RASA1: variants seen among roughly 807,000 people sequenced by gnomAD.
The protein encoded by RASA1 is RAS p21 protein activator 1.
In RASA1, 25 loss-of-function variants were observed where a neutral mutation model predicts 132.2. The ratio of observed to expected loss-of-function variants is 0.19; its 90% CI spans 0.14 to 0.26. The LOEUF is 0.26. Among genes scored for constraint, RASA1 ranks in the 10% least tolerant of loss-of-function variants. The pLI, the probability that RASA1 is intolerant of heterozygous loss-of-function variation, is 1.00. For synonymous variants in RASA1, 477 were observed against 449.9 expected (o/e 1.06, Z -0.76); for missense variants, 964 against 1,299.2 (o/e 0.74, Z 3.97).
chr5:87,390,854 C>T lies in RASA1; in HGVS notation c.3115C>T (p.Gln1039Ter). The change falls in exon 25 of 25, where the codon CAG (glutamine) becomes TAG (stop). Residue 1039 changes from glutamine (Q) to a stop codon, truncating the protein, a stop_gained. Transcript: ENST00000274376. LOFTEE classifies it high-confidence loss of function. ...AGAACTGCTTCAACAAAAACAAAAC[C>T]AGTATACAAAAACCAATGATGTCAG... is the stretch of plus-strand genomic sequence containing the variant. ...ITELLQQKQN[Q>*]YTKTNDVR is the part of the protein sequence containing the mutation. 1 of 1,613,522 alleles carries T rather than the reference C, an allele frequency of 6.2e-7. No individual in the cohort carries two copies.
intron 8 of RASA1, among the ~76,000 whole-genome samples, chr5:87,351,243 ATC>A (rs1372964549): frequency 2.6e-5 from 4 of 151,686 alleles, no homozygotes; most frequent in African/African-American, 9.7e-5. Context: ...TTATCGACTT[ATC>A]TACTTTGTGA....
chr5:87,378,397 T>C lies in RASA1; in HGVS notation c.2346T>C (p.Asp782=), dbSNP rs1761467274. 6.2e-7 allele frequency: 1 copy of C among 1,612,992 alleles called. No homozygotes were observed. The highest frequency in any genetic ancestry group is 2.2e-5 in the East Asian group (1 of 44,810). Residue 782 remains aspartate (D), a splice_region_variant and synonymous_variant, in exon 18 of 25, where the codon GAT becomes GAC. Coordinates refer to ENST00000274376, the MANE Select transcript of RASA1 (RefSeq NM_002890.3). Reference sequence around the variant, plus strand: ...CTTCTAATGTAAATATTTGTGTAGATGAAGCCACTACCCTATTTCGAGCCA... The same window carrying C: ...CTTCTAATGTAAATATTTGTGTAGACGAAGCCACTACCCTATTTCGAGCCA... ...TLNDREISME[D]EATTLFRATT...
rs1753658696 is a variant in RASA1 at position 87,268,389 on chromosome 5, G to A, written c.-63G>A. The A allele has an allele frequency of 6.8e-7, 1 of 1,462,416 alleles. No homozygotes were observed. Among genetic ancestry groups the A allele is most frequent in the Non-Finnish European group, 9.0e-7 (1 of 1,105,662 alleles). The allele number at this position is 1,462,416 out of a possible 1,614,324, so 90.6% of individuals were successfully genotyped here. A position where few individuals can be genotyped will look rare whatever the true frequency, so the allele number is the denominator to read the frequency against. On this transcript the variant is annotated 5_prime_UTR_variant, in exon 1 of 25. Transcript: ENST00000274376. Reference sequence around the variant, plus strand: ...GTCTGGGTGGGGCTGCTCGGAGCCCGGGCCTGGTGGCCCCTGGGGCTCCCG... The same window carrying A: ...GTCTGGGTGGGGCTGCTCGGAGCCCAGGCCTGGTGGCCCCTGGGGCTCCCG...
chr5:87,293,506 C>T (rs150397527), intron 1 of RASA1, among the ~76,000 whole-genome samples: 206 of 152,090 alleles, frequency 1.4e-3, no homozygotes, highest in African/African-American at 4.4e-3. Flanking sequence ...TGAGGATGTT[C>T]GCATCTATGT....
intron 17 of RASA1, 129 bp downstream of exon 17, chr5:87,377,169 C>G: frequency 7.9e-7 from 1 of 1,272,846 alleles, no homozygotes; most frequent in Non-Finnish European, 1.1e-6. Context: ...TCTGTTTTCC[C>G]TCCTTAAAAA....
At chr5:87,270,125 C>T (rs1426244122) in intron 1 of RASA1, among the ~76,000 whole-genome samples, 3 of 151,210 alleles carry the variant, frequency 2.0e-5, no homozygotes, top group Non-Finnish European at 4.4e-5. Context: ...GCCTATAATC[C>T]TAGCTACTTG....
intron 23 of RASA1, 85 bp downstream of exon 23, chr5:87,386,988 A>G (rs960022137): frequency 4.8e-6 from 6 of 1,253,722 alleles, no homozygotes; most frequent in Non-Finnish European, 6.9e-6. Flanking sequence ...ATCTTTAGAA[A>G]GATTTTCTAT....
At chr5:87,319,918 C>T (rs374957168) in intron 1 of RASA1, among the ~76,000 whole-genome samples, 5 of 152,284 alleles carry the variant, frequency 3.3e-5, no homozygotes, top group South Asian at 2.1e-4. Context: ...AATTTCACAC[C>T]GTCTCTTCAT....
At chr5:87,316,611 A>T (rs1756360168) in intron 1 of RASA1, among the ~76,000 whole-genome samples, 1 of 152,182 alleles carries the variant, frequency 6.6e-6, no homozygotes, top group African/African-American at 2.4e-5. Context: ...AGGATTGAGA[A>T]CATGGAGAGT....
In RASA1 at chr5:87,357,814, AG is replaced by A. The variant is rs368040381; in HGVS notation, c.1332+4580del. 6.3e-3 allele frequency among the ~76,000 whole-genome samples: 967 copies of A among 152,346 alleles called. 5 individuals are homozygous for A. The highest frequency in any genetic ancestry group is 0.014 in the African/African-American group (582 of 41,590). ...ATGTAATGTGCCTTGCTCTTGTGTT[AG>A]TTTTATAACTGAACAAACCTCCAAT... On this transcript the variant is annotated intron_variant, in intron 9 of 24. Coordinates refer to ENST00000274376, the MANE Select transcript of RASA1 (RefSeq NM_002890.3).
At chr5:87,292,827 T>C (rs561552186) in intron 1 of RASA1, among the ~76,000 whole-genome samples, 1 of 152,164 alleles carries the variant, frequency 6.6e-6, no homozygotes, top group Non-Finnish European at 1.5e-5. Context: ...TCCATCATAG[T>C]TTTGTAGTTT....
intron 7 of RASA1, among the ~76,000 whole-genome samples, chr5:87,347,063 C>A (rs911278700): frequency 1.3e-5 from 2 of 151,980 alleles, no homozygotes; most frequent in African/African-American, 4.8e-5. Context: ...ACATGCAACA[C>A]ACTTTTTTCA....
chr5:87,390,583 C>T (rs927150386), intron 24 of RASA1, among the ~76,000 whole-genome samples: 8 of 152,104 alleles, frequency 5.3e-5, no homozygotes, highest in African/African-American at 1.7e-4. Context: ...CAAACACAAA[C>T]AAATTTCTGT....
chr5:87,273,019 C>A (rs1753915065), intron 1 of RASA1, among the ~76,000 whole-genome samples: 1 of 152,152 alleles, frequency 6.6e-6, no homozygotes, highest in Non-Finnish European at 1.5e-5. Flanking sequence ...GGGTTTAGGT[C>A]ACAGGATTGA....
intron 8 of RASA1, among the ~76,000 whole-genome samples, chr5:87,350,887 C>T (rs1218760431): frequency 2.0e-5 from 3 of 151,444 alleles, no homozygotes; most frequent in Admixed American, 6.6e-5. Flanking sequence ...GAATCAGGTG[C>T]TGTGAAAATG....
rs976112656 is a variant in RASA1 at position 87,328,096 on chromosome 5, G to C, written c.540-3252G>C. ...AAAGTATTTTTCAACATTGTTTTAT[G>C]AGTCAACACTTCTTCTTTCATTGGA... is the stretch of plus-strand genomic sequence containing the variant. On this transcript the variant is annotated intron_variant, in intron 1 of 24. Transcript: ENST00000274376. 1.2e-4 allele frequency among the ~76,000 whole-genome samples: 18 copies of C among 152,112 alleles called. 1 individual carries two copies. The highest frequency in any genetic ancestry group is 9.8e-4 in the Admixed American group (15 of 15,264).
chr5:87,384,061 G>A (rs1234768084), intron 21 of RASA1, among the ~76,000 whole-genome samples: 1 of 151,758 alleles, frequency 6.6e-6, no homozygotes, highest in East Asian at 1.9e-4. Context: ...TTTATAATAA[G>A]TGACTTCTTG....
intron 1 of RASA1, among the ~76,000 whole-genome samples, chr5:87,323,385 A>G (rs1027053061): frequency 2.0e-5 from 3 of 152,204 alleles, no homozygotes; most frequent in Non-Finnish European, 2.9e-5. Flanking sequence ...TAGTAGAAAA[A>G]TGGGCATATT....
At chr5:87,383,691 A>AG in intron 20 of RASA1, 22 bp from the exon 21 acceptor site, 1 of 1,595,266 alleles carries the variant, frequency 6.3e-7, no homozygotes, top group East Asian at 2.2e-5. Context: ...AAAAAAAAAA[A>AG]AAAAATTTCC....
Sources: allele counts gnomAD v4.1 joint callset (sites outside exome capture counted in the v4.1 genomes callset), GRCh38; gene constraint gnomAD v4.1.1; transcripts MANE v1.5; gene names NCBI Gene and HGNC (gene_info 2026-07-23, HGNC 2026-07-21).